Variants in VIPAS39 observed in about 807,000 individuals in gnomAD.
VIPAS39 encodes spermatogenesis-defective protein 39 homolog.
In VIPAS39, 63 loss-of-function variants were observed where a neutral mutation model predicts 84.7. The observed-to-expected ratio is 0.74, with a 90% CI of 0.61 to 0.92. The LOEUF is 0.92. VIPAS39 is among the 40% of genes least tolerant of loss of function. The pLI is 0.00. For synonymous variants in VIPAS39, 192 were observed against 216.5 expected (o/e 0.89, Z 0.99); for missense variants, 499 against 604.5 (o/e 0.83, Z 1.83).
intron 10 of VIPAS39, among the ~76,000 whole-genome samples, chr14:77,441,373 T>C (rs199560046): frequency 2.3e-5 from 1 of 43,128 alleles, no homozygotes; most frequent in South Asian, 9.9e-4. Flanking sequence ...TTGGTTGTTG[T>C]TTTTTTTTTT....
intron 11 of VIPAS39, among the ~76,000 whole-genome samples, chr14:77,438,395 A>G (rs1313590492): frequency 6.6e-6 from 1 of 152,090 alleles, no homozygotes; most frequent in African/African-American, 2.4e-5. Context: ...TGCCTGGCTA[A>G]TTTTTGTACT....
intron 8 of VIPAS39, among the ~76,000 whole-genome samples, chr14:77,443,826 T>C (rs1474572183): frequency 1.3e-5 from 2 of 148,448 alleles, no homozygotes; most frequent in Non-Finnish European, 1.5e-5. Flanking sequence ...TGAGCCAAGA[T>C]TGTCCTACTG....
chr14:77,454,450 A>T (rs528276691), intron 1 of VIPAS39, among the ~76,000 whole-genome samples: 48 of 152,264 alleles, frequency 3.2e-4, no homozygotes, highest in African/African-American at 1.0e-3. Flanking sequence ...CGAGGCAGGC[A>T]GAACACCTGA....
At chr14:77,433,208 C>CT (rs1322577946) in intron 16 of VIPAS39, among the ~76,000 whole-genome samples, 6 of 150,824 alleles carry the variant, frequency 4.0e-5, no homozygotes, top group African/African-American at 7.3e-5. Flanking sequence ...TATTGTGCTT[C>CT]TTTTTTTTTG....
At chr14:77,444,748 T>A (rs951002898) in intron 7 of VIPAS39, among the ~76,000 whole-genome samples, 1 of 151,584 alleles carries the variant, frequency 6.6e-6, no homozygotes. Flanking sequence ...AATTTTTTTT[T>A]AGTAATTTAA....
intron 8 of VIPAS39, among the ~76,000 whole-genome samples, 198 bp downstream of exon 8, chr14:77,444,051 A>G (rs529206470): frequency 6.6e-6 from 1 of 152,004 alleles, no homozygotes; most frequent in South Asian, 2.1e-4. Context: ...CAAAAAAAAA[A>G]AAAAACAGGG....
chr14:77,457,427 A>G (rs750070273), intron 1 of VIPAS39, 68 bp downstream of exon 1: 11 of 1,531,836 alleles, frequency 7.2e-6, no homozygotes, highest in Non-Finnish European at 8.7e-6. Flanking sequence ...GAAGAGGGGA[A>G]AAGATCAAGA....
intron 5 of VIPAS39, 38 bp from the exon 6 acceptor site, chr14:77,449,395 T>C: frequency 2.5e-6 from 4 of 1,609,896 alleles, no homozygotes; most frequent in Non-Finnish European, 3.4e-6. Context: ...AAGGGCACCA[T>C]GAATCCTGCT....
chr14:77,447,739 C>CAT (rs753338534), intron 7 of VIPAS39, among the ~76,000 whole-genome samples: 56 of 152,210 alleles, frequency 3.7e-4, no homozygotes, highest in Non-Finnish European at 6.5e-4. Flanking sequence ...CAGCTCACTA[C>CAT]AACCTCCACT....
intron 4 of VIPAS39, among the ~76,000 whole-genome samples, 153 bp downstream of exon 4, chr14:77,451,032 TCA>T (rs1412753011): frequency 1.3e-5 from 2 of 152,234 alleles, no homozygotes; most frequent in Non-Finnish European, 2.9e-5. Context: ...TGAATTTCTC[TCA>T]TTTATCTCGC....
chr14:77,455,222 T>C (rs1157067039), intron 1 of VIPAS39, among the ~76,000 whole-genome samples: 5 of 152,152 alleles, frequency 3.3e-5, no homozygotes, highest in Non-Finnish European at 7.3e-5. Context: ...GTGGCTCATA[T>C]CTGTAATCTC....
rs11159260 is a variant in VIPAS39, at chr14:77,451,069, A to G, written c.343+118T>C. 281,234 of 1,489,004 alleles carry G rather than the reference A, an allele frequency of 0.19. 28,215 individuals carry two copies. The highest frequency in any genetic ancestry group is 0.28 in the Admixed American group (16,211 of 58,780). The allele number at this position is 1,489,004 out of a possible 1,614,324, so 92.2% of individuals were successfully genotyped here. A position where few individuals can be genotyped will look rare whatever the true frequency, so the allele number is the denominator to read the frequency against. The stretch of plus-strand genomic sequence containing the variant: ...CTCCTAACACCCAGCTGCCACCTCC[A>G]ATGAGAATGCTTTACCCTTCAATAA... On this transcript the variant is annotated intron_variant, in intron 4 of 19. Coordinates refer to ENST00000557658, the MANE Select transcript of VIPAS39 (RefSeq NM_001193315.2).
At position 77,428,996 on chromosome 14, in the gene VIPAS39, G is replaced by A. The variant is rs199652861; in HGVS notation, c.1356+10C>T. The stretch of plus-strand genomic sequence containing the variant: ...ATCTAACGGAGGACTCCCATTTCTT[G>A]GGGACTCACATCAATGACGACATCA... On this transcript the variant is annotated intron_variant, in intron 18 of 19. Transcript: ENST00000557658. 4 of 1,612,500 alleles carry A rather than the reference G, an allele frequency of 2.5e-6. No homozygotes were observed. The highest frequency in any genetic ancestry group is 2.5e-6 in the Non-Finnish European group (3 of 1,178,722).
chr14:77,429,532 G>T, intron 17 of VIPAS39, 149 bp downstream of exon 17: 1 of 833,266 alleles, frequency 1.2e-6, no homozygotes. Context: ...TCACTCCCTG[G>T]CCTTTTCTGT....
At chr14:77,435,718 A>G in intron 13 of VIPAS39, 126 bp downstream of exon 13, 1 of 1,104,964 alleles carries the variant, frequency 9.1e-7, no homozygotes. Flanking sequence ...GTGTACAGGC[A>G]GAAAATGAAA....
At chr14:77,453,142 T>A (rs1393828998) in intron 3 of VIPAS39, among the ~76,000 whole-genome samples, 157 bp downstream of exon 3, 1 of 152,128 alleles carries the variant, frequency 6.6e-6, no homozygotes, top group African/African-American at 2.4e-5. Context: ...TTCCCAAGTA[T>A]CTTCTCCTGG....
At chr14:77,444,925 A>C (rs1282228714) in intron 7 of VIPAS39, among the ~76,000 whole-genome samples, 1 of 149,382 alleles carries the variant, frequency 6.7e-6, no homozygotes, top group Non-Finnish European at 1.5e-5. Context: ...TAATTTGCAT[A>C]CAGTAAAACA....
intron 16 of VIPAS39, 123 bp from the exon 17 acceptor site, chr14:77,429,890 A>G: frequency 1.2e-6 from 1 of 824,986 alleles, no homozygotes; most frequent in Non-Finnish European, 2.1e-6. Context: ...TGAGGGATAC[A>G]GAAATAATGA....
At chr14:77,438,746 C>T (rs1056074357) in intron 11 of VIPAS39, among the ~76,000 whole-genome samples, 1 of 152,132 alleles carries the variant, frequency 6.6e-6, no homozygotes, top group African/African-American at 2.4e-5. Flanking sequence ...TGACCATGTA[C>T]ATGATCAATG....
Sources: allele counts gnomAD v4.1 joint callset (sites outside exome capture counted in the v4.1 genomes callset), GRCh38; gene constraint gnomAD v4.1.1; transcripts MANE v1.5; gene names NCBI Gene and HGNC (gene_info 2026-07-23, HGNC 2026-07-21).